ABTB2: variants seen among roughly 807,000 people sequenced by gnomAD.
ABTB2 encodes ankyrin repeat and BTB/POZ domain-containing protein 2.
ABTB2 carries 56 observed loss-of-function variants against 104.1 expected under a neutral mutation model. The observed-to-expected ratio is 0.54, with a 90% CI of 0.43 to 0.67. ABTB2 has a LOEUF of 0.67. ABTB2 is among the 30% of genes least tolerant of loss of function. The pLI is 0.00. For missense variants in ABTB2, 1,279 were observed against 1,407.7 expected (o/e 0.91, Z 1.46); for synonymous variants, 606 against 608.2 (o/e 1.00, Z 0.05).
At chr11:34,292,736 G>A (rs1332034433) in intron 1 of ABTB2, among the ~76,000 whole-genome samples, 1 of 152,146 alleles carries the variant, frequency 6.6e-6, no homozygotes, top group Non-Finnish European at 1.5e-5. Flanking sequence ...TCCCTCATAG[G>A]GAGGTCAGGG....
intron 1 of ABTB2, among the ~76,000 whole-genome samples, chr11:34,334,379 G>A (rs1289141325): frequency 6.6e-6 from 1 of 152,152 alleles, no homozygotes; most frequent in Non-Finnish European, 1.5e-5. Flanking sequence ...ACTTCTCAGA[G>A]CATTTTGCAC....
intron 1 of ABTB2, among the ~76,000 whole-genome samples, chr11:34,342,967 T>C (rs1855281308): frequency 6.6e-6 from 1 of 151,936 alleles, no homozygotes; most frequent in South Asian, 2.1e-4. Flanking sequence ...ATTTATTCGT[T>C]CATTCATTCA....
At chr11:34,198,075 T>C (rs1853285160) in intron 2 of ABTB2, among the ~76,000 whole-genome samples, 1 of 152,192 alleles carries the variant, frequency 6.6e-6, no homozygotes. Flanking sequence ...AGAAATATGA[T>C]TTAATTTGAT....
intron 1 of ABTB2, among the ~76,000 whole-genome samples, chr11:34,208,941 C>T (rs1413177027): frequency 1.3e-5 from 2 of 152,196 alleles, no homozygotes; most frequent in Admixed American, 6.5e-5. Flanking sequence ...AGGCTTACCC[C>T]CTTCCCCTTA....
chr11:34,184,066 G>GT (rs34633087), intron 3 of ABTB2, among the ~76,000 whole-genome samples: 7,774 of 143,492 alleles, frequency 0.054, 238 homozygotes, highest in Non-Finnish European at 0.08. Flanking sequence ...TTTAAAAAGT[G>GT]TTTTTTTTTT....
At chr11:34,159,806 G>T in intron 13 of ABTB2, 100 bp downstream of exon 13, 1 of 931,616 alleles carries the variant, frequency 1.1e-6, no homozygotes, top group Non-Finnish European at 1.7e-6. Flanking sequence ...GGCAGAGGCT[G>T]CAGGGTACAG....
intron 1 of ABTB2, among the ~76,000 whole-genome samples, chr11:34,310,174 G>A (rs745842697): frequency 2.0e-5 from 3 of 152,082 alleles, no homozygotes; most frequent in Non-Finnish European, 4.4e-5. Flanking sequence ...GGAAGGGCTC[G>A]AGAAGTAATC....
intron 3 of ABTB2, among the ~76,000 whole-genome samples, chr11:34,187,752 G>A (rs1475287094): frequency 6.6e-6 from 1 of 152,064 alleles, no homozygotes; most frequent in Non-Finnish European, 1.5e-5. Context: ...ACCTCCCAAA[G>A]TGCTAGGATT....
intron 1 of ABTB2, among the ~76,000 whole-genome samples, chr11:34,354,428 A>C (rs1040831209): frequency 7.2e-6 from 1 of 139,006 alleles, no homozygotes; most frequent in African/African-American, 2.7e-5. Flanking sequence ...GTTTGAAACC[A>C]GCCTGGGCAA....
chr11:34,264,693 G>T (rs1027989485), intron 1 of ABTB2, among the ~76,000 whole-genome samples: 1 of 152,168 alleles, frequency 6.6e-6, no homozygotes, highest in African/African-American at 2.4e-5. Context: ...GTGGTGGGTG[G>T]CATGGACTGG....
At chr11:34,239,066 T>C (rs554441396) in intron 1 of ABTB2, among the ~76,000 whole-genome samples, 1 of 152,310 alleles carries the variant, frequency 6.6e-6, no homozygotes, top group South Asian at 2.1e-4. Flanking sequence ...ATTCTTTTTG[T>C]AATCTCTGAC....
intron 3 of ABTB2, among the ~76,000 whole-genome samples, chr11:34,188,706 A>G (rs1810552547): frequency 6.6e-6 from 1 of 152,258 alleles, no homozygotes; most frequent in African/African-American, 2.4e-5. Flanking sequence ...AGAAGTCAGT[A>G]GCATAAAGCC....
intron 9 of ABTB2, 150 bp downstream of exon 9, chr11:34,164,536 C>T (rs1466544607): frequency 8.2e-6 from 8 of 970,408 alleles, no homozygotes; most frequent in Non-Finnish European, 9.8e-6. Context: ...GCTAAACTCC[C>T]CCATGTTTCT....
At chr11:34,213,453 C>T (rs1422293956) in intron 1 of ABTB2, among the ~76,000 whole-genome samples, 1 of 152,144 alleles carries the variant, frequency 6.6e-6, no homozygotes, top group Non-Finnish European at 1.5e-5. Context: ...TGCACTCCAG[C>T]CTGGGCAAGA....
intron 3 of ABTB2, among the ~76,000 whole-genome samples, chr11:34,175,374 C>T (rs905424691): frequency 4.6e-5 from 7 of 152,214 alleles, no homozygotes; most frequent in Non-Finnish European, 7.3e-5. Flanking sequence ...ATGCTCAGAA[C>T]ACCTACATTA....
intron 12 of ABTB2, 87 bp from the exon 13 acceptor site, chr11:34,160,095 G>T: frequency 2.3e-6 from 3 of 1,304,942 alleles, no homozygotes; most frequent in African/African-American, 1.5e-5. Flanking sequence ...CGTGTCTGGG[G>T]TTGGGGGTGG....
At chr11:34,295,325 GT>G (rs1854609408) in intron 1 of ABTB2, among the ~76,000 whole-genome samples, 2 of 152,216 alleles carry the variant, frequency 1.3e-5, no homozygotes, top group Non-Finnish European at 2.9e-5. Context: ...CAAGTTGGGG[GT>G]TGGCCACAGG....
chr11:34,161,342 G>C (rs1237396955), intron 10 of ABTB2, among the ~76,000 whole-genome samples: 1 of 152,334 alleles, frequency 6.6e-6, no homozygotes, highest in African/African-American at 2.4e-5. Flanking sequence ...TGAGGTGGAG[G>C]AATGGCTTCG....
intron 1 of ABTB2, among the ~76,000 whole-genome samples, chr11:34,206,782 C>T (rs886217934): frequency 9.1e-4 from 139 of 152,208 alleles, no homozygotes; most frequent in African/African-American, 3.2e-3. Flanking sequence ...AGCTGATGGT[C>T]AGTCCTGCCC....
Sources: allele counts gnomAD v4.1 joint callset (sites outside exome capture counted in the v4.1 genomes callset), GRCh38; gene constraint gnomAD v4.1.1; transcripts MANE v1.5; gene names NCBI Gene and HGNC (gene_info 2026-07-23, HGNC 2026-07-21).